The following FLACC1 variants were observed in gnomAD, a reference collection of about 807,000 sequenced individuals.
The protein encoded by FLACC1 is flagellum-associated coiled-coil domain-containing protein 1.
Under a neutral mutation model 62.8 loss-of-function variants are expected in FLACC1, and 66 were observed. The ratio of observed to expected loss-of-function variants is 1.05; its 90% confidence interval spans 0.86 to 1.29. FLACC1 has a LOEUF of 1.29. Among genes scored for constraint, FLACC1 ranks in the 50% most tolerant of loss-of-function variants. The pLI is 0.00. For synonymous variants in FLACC1, 156 were observed against 161.0 expected (o/e 0.97, Z 0.24); for missense variants, 452 against 489.1 (o/e 0.92, Z 0.71).
chr2:201,320,237 A>T (rs937412878), intron 9 of FLACC1, among the ~76,000 whole-genome samples: 7 of 152,330 alleles, frequency 4.6e-5, no homozygotes, highest in Admixed American at 4.6e-4. Flanking sequence ...GAAGCCTCCA[A>T]CTGGGTTTCA....
chr2:201,309,492 G>A (rs1245960299), intron 9 of FLACC1, among the ~76,000 whole-genome samples: 1 of 152,084 alleles, frequency 6.6e-6, no homozygotes, highest in Non-Finnish European at 1.5e-5. Flanking sequence ...AAAGGTCAAG[G>A]GCAAACTATG....
At chr2:201,312,657 C>T (rs1950237617) in intron 9 of FLACC1, among the ~76,000 whole-genome samples, 1 of 152,170 alleles carries the variant, frequency 6.6e-6, no homozygotes, top group Non-Finnish European at 1.5e-5. Context: ...ATCTCATTAC[C>T]TGACTTCAAA....
At chr2:201,296,413 C>G (rs1949863082) in intron 12 of FLACC1, among the ~76,000 whole-genome samples, 2 of 148,062 alleles carry the variant, frequency 1.4e-5, no homozygotes, top group African/African-American at 2.5e-5. Flanking sequence ...ATGGCAAGGA[C>G]AAAAAACCAA....
intron 7 of FLACC1, among the ~76,000 whole-genome samples, chr2:201,334,469 A>G (rs1294069832): frequency 6.6e-6 from 1 of 152,174 alleles, no homozygotes; most frequent in East Asian, 1.9e-4. Flanking sequence ...TTGGTATCAG[A>G]GTAATCCTGG....
chr2:201,356,614 C>T (rs761737673), intron 1 of FLACC1, among the ~76,000 whole-genome samples: 25 of 152,150 alleles, frequency 1.6e-4, no homozygotes, highest in Non-Finnish European at 3.2e-4. Context: ...TAGAACTTAA[C>T]CTGTAGAGAA....
intron 6 of FLACC1, among the ~76,000 whole-genome samples, chr2:201,343,001 G>C (rs370277601): frequency 6.6e-6 from 1 of 152,142 alleles, no homozygotes; most frequent in African/African-American, 2.4e-5. Context: ...CAAATCAGTC[G>C]GTGACCACTG....
In FLACC1 at chr2:201,289,494, T is replaced by C. The variant is rs992265525; in HGVS notation, c.1105A>G (p.Thr369Ala). The C allele has an allele frequency of 1.9e-6, 3 of 1,614,204 alleles. No homozygotes were observed. In the Middle Eastern group the frequency reaches 4.9e-4, roughly 266 times the overall value. Residue 369 changes from threonine to alanine, a missense_variant, in exon 14 of 15, where the codon ACC (threonine) becomes GCC (alanine). Coordinates refer to ENST00000392257, the MANE Select transcript of FLACC1 (RefSeq NM_001127391.3). ...TTCTCTTCCGTCAGGATCTGTATGG[T>C]GTGCTTATACTTTTCTTCAGTTTCA... ...FAETEEKYKH[T>A]IQILTEENIH...
the FLACC1 span, among the ~76,000 whole-genome samples, chr2:201,363,787 C>G: frequency 6.6e-6 from 1 of 152,208 alleles, no homozygotes; most frequent in South Asian, 2.1e-4. Flanking sequence ...GCATCTGGAG[C>G]AGTCACTCTA....
Position 201,332,075 on chromosome 2 carries a change from G to A in FLACC1, c.525-1242C>T, listed in dbSNP as rs181790195. Reference sequence around the variant, plus strand: ...AATGAATAAGTACATAAAAGTTTATGCCTCAGCTAAGAGTGCTGTCTCTCC... The same window carrying A: ...AATGAATAAGTACATAAAAGTTTATACCTCAGCTAAGAGTGCTGTCTCTCC... On this transcript the variant is annotated intron_variant, in intron 7 of 14. Transcript: ENST00000392257. Among the ~76,000 whole-genome samples the A allele has an allele frequency of 7.2e-5, 11 of 152,046 alleles. 1 individual carries two copies. In the East Asian group the frequency reaches 2.1e-3, roughly 29 times the overall value.
At chr2:201,322,815 G>C (rs1194734223) in intron 9 of FLACC1, among the ~76,000 whole-genome samples, 1 of 152,028 alleles carries the variant, frequency 6.6e-6, no homozygotes, top group Non-Finnish European at 1.5e-5. Context: ...TTCAGAGAAA[G>C]ATGAAAACTA....
chr2:201,303,692 C>G (rs1245016470), intron 11 of FLACC1, among the ~76,000 whole-genome samples: 1 of 152,144 alleles, frequency 6.6e-6, no homozygotes, highest in Non-Finnish European at 1.5e-5. Flanking sequence ...AAAATACTGG[C>G]AAACTGAATC....
At chr2:201,342,036 C>G (rs558549018) in intron 7 of FLACC1, among the ~76,000 whole-genome samples, 29 of 152,192 alleles carry the variant, frequency 1.9e-4, no homozygotes, top group African/African-American at 5.3e-4. Flanking sequence ...GGAGGAGGAG[C>G]CTTGGCTGAG....
chr2:201,325,220 T>A (rs1229569224), intron 9 of FLACC1, among the ~76,000 whole-genome samples: 2 of 151,944 alleles, frequency 1.3e-5, no homozygotes, highest in Admixed American at 1.3e-4. Context: ...TCAAAAAGTC[T>A]GAAAGAGCAC....
chr2:201,315,768 T>C (rs6735641), intron 9 of FLACC1, among the ~76,000 whole-genome samples: 81,980 of 151,880 alleles, frequency 0.54, 23,013 homozygotes, highest in East Asian at 0.68. Context: ...TTCAACAGCA[T>C]ATGGAACTTT....
chr2:201,323,151 A>T (rs953806716), intron 9 of FLACC1, among the ~76,000 whole-genome samples: 7 of 152,212 alleles, frequency 4.6e-5, no homozygotes, highest in African/African-American at 1.7e-4. Context: ...AGAAAATAAC[A>T]AGTCTGGAAA....
rs1329773967 is a variant in FLACC1, at chr2:201,351,277, C to T, written c.113+15G>A. ...CCAAGGTCCCTGTGCCTACCCCATC[C>T]CAGATAATTCTTACTTGGAACTCCC... On this transcript the variant is annotated intron_variant, in intron 2 of 14. Transcript: ENST00000392257. The T allele has an allele frequency of 2.5e-6, 4 of 1,585,390 alleles. No homozygotes were observed. In the South Asian group the frequency reaches 4.4e-5, roughly 18 times the overall value.
At chr2:201,335,551 TTATGCCAGTATC>T (rs1219017306) in intron 7 of FLACC1, among the ~76,000 whole-genome samples, 3 of 152,204 alleles carry the variant, frequency 2.0e-5, no homozygotes, top group Non-Finnish European at 4.4e-5. Context: ...GTCTGTTTTT[TTATGCCAGTATC>T]ATGCTGTTTG....
At chr2:201,307,387 C>T (rs895172958) in intron 11 of FLACC1, 132 bp downstream of exon 11, 7 of 703,774 alleles carry the variant, frequency 9.9e-6, no homozygotes, top group Non-Finnish European at 1.3e-5. Flanking sequence ...GCATACATTT[C>T]CAGAAAGCTG....
Position 201,342,558 on chromosome 2 carries a change from TCCCAC to T in FLACC1, c.463-132_463-128del. 4 of 822,844 alleles carry T rather than the reference TCCCAC, an allele frequency of 4.9e-6. No homozygotes were observed. The South Asian group carries it at 6.0e-5, about 12-fold the overall frequency. The allele number at this position is 822,844 out of a possible 1,614,324, so 51.0% of individuals were successfully genotyped here. A position where few individuals can be genotyped will look rare whatever the true frequency, so the allele number is the denominator to read the frequency against. ...TCCAATTCATGGGGCACAGCCCCCT[TCCCAC>T]CCCTCTTCCACTGTGCTCTGCAGTG... On this transcript the variant is annotated intron_variant, in intron 6 of 14. Coordinates refer to ENST00000392257, the MANE Select transcript of FLACC1 (RefSeq NM_001127391.3).
Sources: gnomAD v4.1 joint callset for allele counts (sites outside exome capture counted in the v4.1 genomes callset) on GRCh38, gnomAD v4.1.1 for gene constraint, MANE v1.5 for transcripts, NCBI Gene and HGNC (gene_info 2026-07-23, HGNC 2026-07-21) for gene names.